Variants in NDUFS4 observed in about 807,000 individuals in gnomAD.
NDUFS4 encodes the protein NADH:ubiquinone oxidoreductase subunit S4.
Under a neutral mutation model 24.3 loss-of-function variants are expected in NDUFS4, and 28 were observed. That is an observed-to-expected ratio of 1.15 (90% confidence interval 0.85 to 1.58). The LOEUF (loss-of-function observed/expected upper bound fraction) is 1.58, where lower values mean the gene tolerates loss of function less well. Ranked by LOEUF, NDUFS4 falls within the 40% of genes most tolerant of loss-of-function variation. The probability of loss-of-function intolerance (pLI) is 0.00; values close to 1 mark genes in which losing one functional copy is unlikely to be tolerated. For synonymous variants in NDUFS4, 93 were observed against 69.7 expected (o/e 1.34, Z -1.67); for missense variants, 223 against 207.9 (o/e 1.07, Z -0.45).
At chr5:53,673,254 A>C (rs1250217412) in intron 4 of NDUFS4, among the ~76,000 whole-genome samples, 1 of 152,144 alleles carries the variant, frequency 6.6e-6, no homozygotes, top group Non-Finnish European at 1.5e-5. Context: ...GTAGCTTGTT[A>C]ATAATAGCAT....
At chr5:53,616,745 TA>T (rs1423616124) in intron 2 of NDUFS4, among the ~76,000 whole-genome samples, 1 of 152,190 alleles carries the variant, frequency 6.6e-6, no homozygotes, top group Non-Finnish European at 1.5e-5. Context: ...AGGCTTTATA[TA>T]ATTCTAAGTA....
At chr5:53,631,743 C>G (rs1751416363) in intron 2 of NDUFS4, among the ~76,000 whole-genome samples, 1 of 152,212 alleles carries the variant, frequency 6.6e-6, no homozygotes, top group South Asian at 2.1e-4. Context: ...GCTCCAGCAT[C>G]CCAGGTCGAT....
intron 1 of NDUFS4, among the ~76,000 whole-genome samples, chr5:53,580,749 TCCTTTCTC>T (rs1286196685): frequency 7.4e-5 from 11 of 149,302 alleles, no homozygotes; most frequent in African/African-American, 2.8e-4. Context: ...TTCCTTTCCT[TCCTTTCTC>T]TTTCTTTCTT....
chr5:53,659,094 A>G (rs1752248482), intron 4 of NDUFS4, among the ~76,000 whole-genome samples: 1 of 151,128 alleles, frequency 6.6e-6, no homozygotes, highest in Non-Finnish European at 1.5e-5. Flanking sequence ...ATTTCCCTTC[A>G]GTCTAAATGC....
At chr5:53,647,701 G>A (rs1352375529) in intron 3 of NDUFS4, among the ~76,000 whole-genome samples, 1 of 152,156 alleles carries the variant, frequency 6.6e-6, no homozygotes, top group Non-Finnish European at 1.5e-5. Flanking sequence ...CATTCGTATT[G>A]AAACTCTGAG....
intron 1 of NDUFS4, among the ~76,000 whole-genome samples, chr5:53,585,915 A>G (rs773246839): frequency 6.6e-6 from 1 of 152,104 alleles, no homozygotes; most frequent in Non-Finnish European, 1.5e-5. Context: ...GGAATTTTCT[A>G]TTAATTTTAA....
At chr5:53,609,880 TA>T (rs1750644575) in intron 2 of NDUFS4, among the ~76,000 whole-genome samples, 1 of 152,138 alleles carries the variant, frequency 6.6e-6, no homozygotes, top group African/African-American at 2.4e-5. Context: ...TGAAGAGACT[TA>T]GGGCTCCTGG....
At chr5:53,583,599 G>A (rs919270617) in intron 1 of NDUFS4, among the ~76,000 whole-genome samples, 13 of 152,050 alleles carry the variant, frequency 8.5e-5, no homozygotes, top group African/African-American at 2.2e-4. Context: ...TAAATATACC[G>A]CATGATTTTA....
At chr5:53,564,442 T>C (rs1316729382) in intron 1 of NDUFS4, among the ~76,000 whole-genome samples, 1 of 152,248 alleles carries the variant, frequency 6.6e-6, no homozygotes, top group Non-Finnish European at 1.5e-5. Context: ...CTAATATGTT[T>C]TCTGATAGGT....
At chr5:53,626,514 A>C (rs967159143) in intron 2 of NDUFS4, among the ~76,000 whole-genome samples, 4 of 152,134 alleles carry the variant, frequency 2.6e-5, no homozygotes, top group Admixed American at 6.5e-5. Flanking sequence ...AAAAGCGTTC[A>C]TATTTCTCCA....
At chr5:53,561,900 A>G (rs1460382531) in intron 1 of NDUFS4, among the ~76,000 whole-genome samples, 2 of 152,200 alleles carry the variant, frequency 1.3e-5, no homozygotes, top group African/African-American at 4.8e-5. Context: ...CGATTACTAA[A>G]TACATAGAAT....
chr5:53,635,384 G>T (rs1751521539), intron 2 of NDUFS4, among the ~76,000 whole-genome samples: 1 of 151,868 alleles, frequency 6.6e-6, no homozygotes, highest in African/African-American at 2.4e-5. Flanking sequence ...GCCAGGCAGG[G>T]AGGCATGTGC....
chr5:53,622,380 A>C (rs1190135652), intron 2 of NDUFS4, among the ~76,000 whole-genome samples: 2 of 152,128 alleles, frequency 1.3e-5, no homozygotes, highest in Non-Finnish European at 2.9e-5. Flanking sequence ...AGGTACCAGC[A>C]TGGTCGTTTC....
chr5:53,611,421 T>A (rs1168680709), intron 2 of NDUFS4, among the ~76,000 whole-genome samples: 3 of 152,062 alleles, frequency 2.0e-5, no homozygotes, highest in African/African-American at 7.2e-5. Flanking sequence ...ATAAAGAATA[T>A]GGCCTCAGAG....
At chr5:53,608,661 C>T (rs1317149792) in intron 2 of NDUFS4, among the ~76,000 whole-genome samples, 1 of 152,168 alleles carries the variant, frequency 6.6e-6, no homozygotes, top group African/African-American at 2.4e-5. Context: ...GAGATTGTAG[C>T]AATTTAATCA....
intron 2 of NDUFS4, among the ~76,000 whole-genome samples, chr5:53,626,392 A>G (rs932096195): frequency 5.9e-5 from 9 of 152,104 alleles, no homozygotes; most frequent in East Asian, 1.9e-4. Flanking sequence ...TCCTTTGGGT[A>G]CCCAGTAATG....
At chr5:53,651,081 A>G (rs1190245156) in intron 3 of NDUFS4, among the ~76,000 whole-genome samples, 1 of 152,198 alleles carries the variant, frequency 6.6e-6, no homozygotes, top group Non-Finnish European at 1.5e-5. Context: ...CTTGTCTGCA[A>G]TTGGTTTATC....
chr5:53,561,049 A>G lies in NDUFS4; in HGVS notation c.98+289A>G, dbSNP rs116058973. On this transcript the variant is annotated intron_variant, in intron 1 of 4. Coordinates refer to ENST00000296684, the MANE Select transcript of NDUFS4 (RefSeq NM_002495.4). ...TGGAGGTTTTGCCTCCGGAGCTGCA[A>G]GCTGAACCTTAGCCCTCAGAGAAGG... Among the ~76,000 whole-genome samples, 2,744 of 152,218 alleles carry G rather than the reference A, an allele frequency of 0.018. 26 individuals are homozygous for G. The highest frequency in any genetic ancestry group is 0.034 in the Middle Eastern group (10 of 292).
At chr5:53,618,789 T>G (rs1310008895) in intron 2 of NDUFS4, among the ~76,000 whole-genome samples, 1 of 152,144 alleles carries the variant, frequency 6.6e-6, no homozygotes, top group Non-Finnish European at 1.5e-5. Context: ...TATTATTATA[T>G]TTGGTCATTA....
Sources: gnomAD v4.1 joint callset for allele counts (sites outside exome capture counted in the v4.1 genomes callset) on GRCh38, gnomAD v4.1.1 for gene constraint, MANE v1.5 for transcripts, NCBI Gene and HGNC (gene_info 2026-07-23, HGNC 2026-07-21) for gene names.